Variants in KIAA2012 observed in about 807,000 individuals in gnomAD.
The protein encoded by KIAA2012 is uncharacterized protein KIAA2012.
A neutral mutation model predicts 150.6 loss-of-function variants in KIAA2012; 125 were observed. The observed-to-expected ratio is 0.83, with a 90% CI of 0.72 to 0.96. The LOEUF (loss-of-function observed/expected upper bound fraction) is 0.96. Ranked by LOEUF, KIAA2012 falls within the 40% of genes least tolerant of loss-of-function variation. KIAA2012 has a pLI of 0.00. For missense variants in KIAA2012, 1,219 were observed against 1,354.9 expected, an observed-to-expected ratio of 0.90 and a Z score of 1.57; for synonymous variants, 462 against 504.7, an observed-to-expected ratio of 0.92 and a Z score of 1.13.
chr2:202,115,628 C>T (rs16824587), intron 11 of KIAA2012: 43,087 of 151,706 alleles, frequency 0.28, 6,349 homozygotes, highest in African/African-American at 0.36. Flanking sequence ...TCCTAGAGAA[C>T]ATCTCATCTC....
At chr2:202,192,883 T>C (rs1692347852) in intron 19 of KIAA2012, among the ~76,000 whole-genome samples, 1 of 152,160 alleles carries the variant, frequency 6.6e-6, no homozygotes, top group Non-Finnish European at 1.5e-5. Flanking sequence ...CCCAAAATGC[T>C]GGGATTACAG....
At chr2:202,100,981 G>A (rs1690028791) in intron 7 of KIAA2012, among the ~76,000 whole-genome samples, 1 of 152,148 alleles carries the variant, frequency 6.6e-6, no homozygotes, top group African/African-American at 2.4e-5. Context: ...TTCTATGTGG[G>A]TCTTTCTTTG....
chr2:202,163,416 A>T (rs1320695051), intron 14 of KIAA2012, among the ~76,000 whole-genome samples: 1 of 152,174 alleles, frequency 6.6e-6, no homozygotes, highest in East Asian at 1.9e-4. Flanking sequence ...ATGTATTCTT[A>T]TATCTAAAAA....
At chr2:202,190,087 CA>C (rs575056734) in intron 18 of KIAA2012, 86 bp from the exon 19 acceptor site, 32,159 of 822,490 alleles carry the variant, frequency 0.039, no homozygotes, top group South Asian at 0.075. Flanking sequence ...GACCCTGTCT[CA>C]AAAAAAAAAA....
At position 202,186,932 on chromosome 2, in the gene KIAA2012, G is replaced by C. The variant is rs1692239241; in HGVS notation, c.2211-1G>C. 3.9e-6 allele frequency: 6 copies of C among 1,549,636 alleles called. No individual in the cohort carries two copies. Among genetic ancestry groups the C allele is most frequent in the Non-Finnish European group, 4.4e-6 (5 of 1,146,624 alleles). On this transcript the variant is annotated splice_acceptor_variant, in intron 16 of 23. Transcript: ENST00000498697. LOFTEE classifies it high-confidence loss of function. ...GTCCTGTTGGTTTGCTCTTTTCAAA[G>C]GGGCAGAGATTATGATGTACACCAC...
chr2:202,141,341 T>C (rs1406047128), intron 13 of KIAA2012, among the ~76,000 whole-genome samples: 2 of 151,568 alleles, frequency 1.3e-5, no homozygotes, highest in African/African-American at 4.9e-5. Context: ...TAGCAACTGA[T>C]ATCAGCAACT....
chr2:202,102,226 A>G (rs1213623994), intron 7 of KIAA2012, among the ~76,000 whole-genome samples: 3 of 152,190 alleles, frequency 2.0e-5, no homozygotes, highest in African/African-American at 7.2e-5. Context: ...ACAGAAAAAA[A>G]ACTGGACAAA....
Position 202,090,771 on chromosome 2 carries a change from G to A in KIAA2012, c.371G>A (p.Gly124Glu), listed in dbSNP as rs1241207792. 1.9e-6 allele frequency: 3 copies of A among 1,547,428 alleles called. No individual in the cohort carries two copies. The highest frequency in any genetic ancestry group is 1.7e-6 in the Non-Finnish European group (2 of 1,144,796). ...GTTTCCTGACTGGTGTCCCCACAGG[G>A]AGAGCAGGACAGAGCCTGGCAACCA... ...EAILAYGRQQGEQDRAWQPYL... is the reference protein window; with the variant it reads ...EAILAYGRQQEEQDRAWQPYL... The change falls in exon 3 of 24, where the codon GGA (glycine) becomes GAA (glutamate). Residue 124 changes from glycine to glutamate, a missense_variant and splice_region_variant. Gly to Glu is a moderately conservative substitution (Grantham distance 98, BLOSUM62 -2). Transcript: ENST00000498697.
In KIAA2012 at chr2:202,075,048, C is replaced by A; in HGVS notation, c.242C>A (p.Ser81Ter). 3.2e-6 allele frequency: 5 copies of A among 1,550,592 alleles called. No homozygotes were observed. Among genetic ancestry groups the A allele is most frequent in the Non-Finnish European group, 2.6e-6 (3 of 1,147,000 alleles). Reference sequence around the variant, plus strand: ...CTGTACTCAGAAGGTTTTGCCATTTCGGCATGGACACCCAAAGAGAGGAGA... The same window carrying A: ...CTGTACTCAGAAGGTTTTGCCATTTAGGCATGGACACCCAAAGAGAGGAGA... ...LILYSEGFAISAWTPKERRKG... is the reference protein window; with the variant it reads ...LILYSEGFAI The change falls in exon 2 of 24, where the codon TCG becomes TAG. Residue 81 changes from serine (S) to a stop codon, truncating the protein, a stop_gained. Coordinates refer to ENST00000498697, the MANE Select transcript of KIAA2012 (RefSeq NM_001277372.4). LOFTEE classifies it high-confidence loss of function.
rs529476580 is a variant in KIAA2012, at chr2:202,103,743, G to C, written c.1324+629G>C. On this transcript the variant is annotated intron_variant, in intron 8 of 23. Coordinates refer to ENST00000498697, the MANE Select transcript of KIAA2012 (RefSeq NM_001277372.4). Reference sequence around the variant, plus strand: ...CACAGCAGAGATTATGTGCTTCTAAGCAAAGTTCTAAGAGAATATGAGCAA... The same window carrying C: ...CACAGCAGAGATTATGTGCTTCTAACCAAAGTTCTAAGAGAATATGAGCAA... 9.2e-5 allele frequency among the ~76,000 whole-genome samples: 14 copies of C among 152,326 alleles called. 1 individual carries two copies. The East Asian group carries it at 2.7e-3, about 29-fold the overall frequency.
At chr2:202,162,857 G>C (rs925177146) in intron 14 of KIAA2012, among the ~76,000 whole-genome samples, 3 of 149,042 alleles carry the variant, frequency 2.0e-5, no homozygotes, top group African/African-American at 7.4e-5. Flanking sequence ...TTGAACCCGG[G>C]AGGCGGAGGT....
At chr2:202,189,598 A>G (rs1186314632) in intron 18 of KIAA2012, among the ~76,000 whole-genome samples, 1 of 151,944 alleles carries the variant, frequency 6.6e-6, no homozygotes, top group African/African-American at 2.4e-5. Context: ...CTGAAATAGA[A>G]CTTATTTAAT....
In KIAA2012 at chr2:202,178,165, C is replaced by T. The variant is rs77205594; in HGVS notation, c.2120-6588C>T. On this transcript the variant is annotated intron_variant, in intron 15 of 23. Transcript: ENST00000498697. ...AGTGAGCTGAGATGGTGCCATTGCA[C>T]TCCATCCTGGGCAACAGAGTGAGAC... is the stretch of plus-strand genomic sequence containing the variant. 1.7e-3 allele frequency among the ~76,000 whole-genome samples: 256 copies of T among 152,128 alleles called. 5 individuals carry two copies. The East Asian group carries it at 0.047, about 28-fold the overall frequency.
chr2:202,105,742 C>T lies in KIAA2012; in HGVS notation c.1325-19C>T, dbSNP rs1370409257. The stretch of plus-strand genomic sequence containing the variant: ...ACAACAGACCTCTGCTACAATTCAG[C>T]CTCCTCTTTGTCTCCTAGGTGCTCC... On this transcript the variant is annotated intron_variant, in intron 8 of 23. Transcript: ENST00000498697. 1.3e-6 allele frequency: 2 copies of T among 1,547,574 alleles called. No individual in the cohort carries two copies. Among genetic ancestry groups the T allele is most frequent in the Admixed American group, 2.0e-5 (1 of 50,876 alleles).
At chr2:202,179,914 A>T in intron 15 of KIAA2012, 1 of 746,572 alleles carries the variant, frequency 1.3e-6, no homozygotes, top group East Asian at 4.2e-5. Context: ...AGGATAACAT[A>T]GAAGTTGGAA....
intron 10 of KIAA2012, among the ~76,000 whole-genome samples, chr2:202,110,669 C>T (rs181576188): frequency 6.6e-6 from 1 of 152,140 alleles, no homozygotes; most frequent in African/African-American, 2.4e-5. Flanking sequence ...CTTTGAGAGG[C>T]ATGTGGGAAC....
At chr2:202,197,864 A>T (rs781741091) in intron 22 of KIAA2012, 13,340 of 86,832 alleles carry the variant, frequency 0.15, 825 homozygotes, top group Non-Finnish European at 0.24. Flanking sequence ...ACTCTCTTTA[A>T]AAAAAAAAAA....
intron 15 of KIAA2012, among the ~76,000 whole-genome samples, chr2:202,174,931 T>C (rs1691961264): frequency 6.6e-6 from 1 of 152,240 alleles, no homozygotes; most frequent in African/African-American, 2.4e-5. Context: ...ATACCATTAT[T>C]ACACCCAAAA....
At chr2:202,144,277 A>C (rs1691254657) in intron 13 of KIAA2012, among the ~76,000 whole-genome samples, 1 of 152,180 alleles carries the variant, frequency 6.6e-6, no homozygotes, top group Non-Finnish European at 1.5e-5. Context: ...CTTCTGTTTC[A>C]ACCTATACTA....
Sources: gnomAD v4.1 joint callset for allele counts (sites outside exome capture counted in the v4.1 genomes callset) on GRCh38, gnomAD v4.1.1 for gene constraint, MANE v1.5 for transcripts, NCBI Gene and HGNC (gene_info 2026-07-23, HGNC 2026-07-21) for gene names.